KIF2A: variants seen among roughly 807,000 people sequenced by gnomAD.
KIF2A encodes the protein kinesin family member 2A, also known as kinesin-like protein KIF2A.
In KIF2A, 22 loss-of-function variants were observed where a neutral mutation model predicts 100.2. That is an observed-to-expected ratio of 0.22 (90% CI 0.16 to 0.31). KIF2A has a LOEUF of 0.31. Among genes scored for constraint, KIF2A ranks in the 10% least tolerant of loss-of-function variants. The probability of loss-of-function intolerance (pLI) is 1.00; values close to 1 mark genes in which losing one functional copy is unlikely to be tolerated. For missense variants in KIF2A, 495 were observed against 898.7 expected (o/e 0.55, Z 5.74); for synonymous variants, 268 against 285.9 (o/e 0.94, Z 0.63).
At chr5:62,369,015 T>C (rs568807504) in intron 16 of KIF2A, among the ~76,000 whole-genome samples, 1 of 152,286 alleles carries the variant, frequency 6.6e-6, no homozygotes, top group African/African-American at 2.4e-5. Flanking sequence ...AATAGATTCT[T>C]GCCATGTTGT....
chr5:62,328,829 T>C (rs1470033773), intron 1 of KIF2A, among the ~76,000 whole-genome samples: 1 of 152,184 alleles, frequency 6.6e-6, no homozygotes, highest in East Asian at 1.9e-4. Context: ...AGCTACTTTA[T>C]GACATTTTTC....
Position 62,313,185 on chromosome 5 carries a change from A to C in KIF2A, c.64+6649A>C, listed in dbSNP as rs6861575. ...TAGTGTGATTAGTACTGATAGAAAT[A>C]TGCCATTTTGTGTGTACATTATTAC... On this transcript the variant is annotated intron_variant, in intron 1 of 20. Transcript: ENST00000407818. 2.5e-3 allele frequency among the ~76,000 whole-genome samples: 381 copies of C among 152,324 alleles called. 1 individual carries two copies. Among genetic ancestry groups the C allele is most frequent in the African/African-American group, 8.6e-3 (358 of 41,566 alleles).
At chr5:62,364,346 C>G (rs912302783) in intron 14 of KIF2A, among the ~76,000 whole-genome samples, 12 of 152,040 alleles carry the variant, frequency 7.9e-5, no homozygotes, top group African/African-American at 2.9e-4. Flanking sequence ...TGGGGTTTCA[C>G]CATGTTGGCT....
At chr5:62,379,793 A>G (rs1580102828) in intron 19 of KIF2A, among the ~76,000 whole-genome samples, 1 of 152,248 alleles carries the variant, frequency 6.6e-6, no homozygotes, top group Admixed American at 6.5e-5. Flanking sequence ...ATTAAAGTCA[A>G]TTGATGTTCG....
chr5:62,306,601 G>C, intron 1 of KIF2A, 65 bp downstream of exon 1: 2 of 1,321,938 alleles, frequency 1.5e-6, no homozygotes, highest in Non-Finnish European at 2.1e-6. Flanking sequence ...CGGAGGGGAC[G>C]CGGGCGCCGG....
chr5:62,322,115 A>G (rs1746122798), intron 1 of KIF2A, among the ~76,000 whole-genome samples: 1 of 151,590 alleles, frequency 6.6e-6, no homozygotes, highest in Non-Finnish European at 1.5e-5. Flanking sequence ...GGGGTAGGGG[A>G]GAGACAAGGT....
At position 62,381,090 on chromosome 5, in the gene KIF2A, T is replaced by C. The variant is rs556694966; in HGVS notation, c.2014-28T>C. ...GGTTTCTGTTGCACAAAGATGCTTA[T>C]TGGATTATCGAATTTTTGTCCTTGT... On this transcript the variant is annotated intron_variant, in intron 19 of 20. Coordinates refer to ENST00000407818, the MANE Select transcript of KIF2A (RefSeq NM_001098511.3). The C allele has an allele frequency of 1.1e-4, 168 of 1,581,282 alleles. 1 individual carries two copies. In the South Asian group the frequency reaches 1.7e-3, roughly 16 times the overall value.
At chr5:62,310,722 A>G (rs1177343022) in intron 1 of KIF2A, among the ~76,000 whole-genome samples, 1 of 152,226 alleles carries the variant, frequency 6.6e-6, no homozygotes. Flanking sequence ...ATTCTCTGCC[A>G]CAGGAGATAA....
intron 1 of KIF2A, among the ~76,000 whole-genome samples, chr5:62,337,654 G>A (rs373128576): frequency 1.8e-4 from 28 of 152,036 alleles, no homozygotes; most frequent in African/African-American, 6.8e-4. Context: ...TCAACATAGC[G>A]AAACCCTGTC....
In KIF2A at chr5:62,358,144, A is replaced by C; in HGVS notation, c.717A>C (p.Gln239His). Residue 239 changes from glutamine to histidine, a missense_variant, in exon 9 of 21, where the codon CAA becomes CAC. By Grantham distance (24) the Gln-to-His change is conservative. Around this residue, in one of 10 missense-constraint regions of KIF2A, gnomAD observed 109 missense variants for 244.2 expected, o/e 0.45. Coordinates refer to ENST00000407818, the MANE Select transcript of KIF2A (RefSeq NM_001098511.3). ...RKRPLNKKET[Q>H]MKDLDVITIP... Reference sequence around the variant, plus strand: ...TTTCATTTATTCTTTTAGAAACTCAAATGAAAGATCTTGATGTAATCACAA... The same window carrying C: ...TTTCATTTATTCTTTTAGAAACTCACATGAAAGATCTTGATGTAATCACAA... The C allele has an allele frequency of 6.4e-7, 1 of 1,557,220 alleles. No homozygotes were observed. Among genetic ancestry groups the C allele is most frequent in the Non-Finnish European group, 8.6e-7 (1 of 1,158,244 alleles).
At chr5:62,371,976 G>A (rs938755267) in intron 16 of KIF2A, among the ~76,000 whole-genome samples, 4 of 152,196 alleles carry the variant, frequency 2.6e-5, no homozygotes, top group Admixed American at 2.0e-4. Context: ...GCATAGGAAA[G>A]AAGTTAATTC....
chr5:62,353,429 A>G (rs372188603), intron 6 of KIF2A, 54 bp downstream of exon 6: 3 of 858,186 alleles, frequency 3.5e-6, no homozygotes, highest in East Asian at 5.9e-5. Flanking sequence ...ATTAGATTAT[A>G]TCAGTGAAGG....
rs1313628342 is a variant in KIF2A at position 62,361,269 on chromosome 5, T to C, written c.900T>C (p.Thr300=). 6.2e-7 allele frequency: 1 copy of C among 1,606,308 alleles called. No individual in the cohort carries two copies. The highest frequency in any genetic ancestry group is 8.5e-7 in the Non-Finnish European group (1 of 1,175,436). Residue 300 remains threonine (T), a synonymous_variant, in exon 10 of 21, where the codon ACT becomes ACC. Coordinates refer to ENST00000407818, the MANE Select transcript of KIF2A (RefSeq NM_001098511.3). ...YRFTARPLVE[T]IFERGMATCF... is the part of the protein sequence containing the mutation. ...TTACTGCTAGACCACTAGTGGAAAC[T>C]ATATTTGAAAGGGGAATGGCTACAT...
Position 62,385,828 on chromosome 5 carries a change from T to C in KIF2A, c.*259T>C. The stretch of plus-strand genomic sequence containing the variant: ...AATAGTGATTTACTTTTGGAGATCC[T>C]TGTCAGTTTTATTTTCTATTTGATG... On this transcript the variant is annotated 3_prime_UTR_variant, in exon 21 of 21. Coordinates refer to ENST00000407818, the MANE Select transcript of KIF2A (RefSeq NM_001098511.3). 1 of 444,586 alleles carries C rather than the reference T, an allele frequency of 2.2e-6. No individual in the cohort carries two copies. The highest frequency in any genetic ancestry group is 3.1e-5 in the South Asian group (1 of 32,510). 27.5% of individuals were successfully genotyped at this position (444,586 alleles called of 1,614,324 possible). A position where few individuals can be genotyped will look rare whatever the true frequency, so the allele number is the denominator to read the frequency against.
intron 16 of KIF2A, among the ~76,000 whole-genome samples, chr5:62,370,483 G>A (rs966716691): frequency 2.0e-5 from 3 of 152,000 alleles, no homozygotes; most frequent in Non-Finnish European, 2.9e-5. Context: ...TTTTAGTAGA[G>A]ATGGAGTTTC....
chr5:62,321,399 A>G (rs1273235015), intron 1 of KIF2A, among the ~76,000 whole-genome samples: 2 of 152,066 alleles, frequency 1.3e-5, no homozygotes, highest in African/African-American at 2.4e-5. Context: ...GAGGGTTCCA[A>G]TTTTCTACAT....
intron 1 of KIF2A, among the ~76,000 whole-genome samples, chr5:62,345,564 A>G (rs576744946): frequency 2.0e-5 from 3 of 152,094 alleles, no homozygotes; most frequent in African/African-American, 7.2e-5. Context: ...TCAGCAGGCC[A>G]AGGCAGGTGG....
intron 1 of KIF2A, among the ~76,000 whole-genome samples, chr5:62,307,849 C>A (rs941830038): frequency 1.3e-5 from 2 of 152,070 alleles, no homozygotes; most frequent in African/African-American, 2.4e-5. Context: ...AACTCCTGAC[C>A]TCAAGTGATC....
intron 14 of KIF2A, 49 bp downstream of exon 14, chr5:62,363,948 AT>A (rs1352717987): frequency 6.9e-7 from 1 of 1,451,830 alleles, no homozygotes; most frequent in African/African-American, 1.4e-5. Flanking sequence ...TTTGACTTTA[AT>A]TTTCTTTACT....
Sources: gnomAD v4.1 joint callset for allele counts (sites outside exome capture counted in the v4.1 genomes callset) on GRCh38, gnomAD v4.1.1 for gene constraint, gnomAD v4.1.1 regional missense constraint, MANE v1.5 for transcripts, NCBI Gene and HGNC (gene_info 2026-07-23, HGNC 2026-07-21) for gene names.